NTAQ1: variants seen among roughly 807,000 people sequenced by gnomAD.
NTAQ1 encodes N-terminal glutamine amidase 1.
Under a neutral mutation model 28.2 loss-of-function variants are expected in NTAQ1, and 21 were observed. That is an observed-to-expected ratio of 0.74 (90% confidence interval 0.53 to 1.07). The LOEUF (loss-of-function observed/expected upper bound fraction) is 1.07. Among genes scored for constraint, NTAQ1 ranks in the 50% least tolerant of loss-of-function variants. The pLI is 0.00. For synonymous variants in NTAQ1, 105 were observed against 90.0 expected (o/e 1.17, Z -0.94); for missense variants, 264 against 256.6 (o/e 1.03, Z -0.20).
At position 123,465,801 on chromosome 8, in the gene NTAQ1, C is replaced by T. The variant is rs190837819; in HGVS notation, c.373-1278C>T. Reference sequence around the variant, plus strand: ...TTCACCATGTTGCCCAGGCTGGTCTCGGAACTCCAGGGCTCAAGCGATCCA... The same window carrying T: ...TTCACCATGTTGCCCAGGCTGGTCTTGGAACTCCAGGGCTCAAGCGATCCA... On this transcript the variant is annotated intron_variant, in intron 6 of 6. Coordinates refer to the NTAQ1 transcript ENST00000650311. Among the ~76,000 whole-genome samples, 31 of 151,888 alleles carry T rather than the reference C, an allele frequency of 2.0e-4. No homozygotes were observed. In the East Asian group the frequency reaches 4.3e-3, roughly 21 times the overall value.
At chr8:123,473,041 T>C (rs186225607), downstream of NTAQ1, among the ~76,000 whole-genome samples, 7 of 152,280 alleles carry the variant, frequency 4.6e-5, no homozygotes, top group African/African-American at 7.2e-5. Context: ...TGGGAAGGTG[T>C]TCAGTGGAAG....
chr8:123,432,584 G>A (rs1284045624), intron 3 of NTAQ1, among the ~76,000 whole-genome samples: 5 of 151,098 alleles, frequency 3.3e-5, no homozygotes, highest in South Asian at 2.1e-4. Context: ...ACAGTGAGCC[G>A]AGATCATACC....
At chr8:123,427,901 A>G (rs1814159721) in intron 1 of NTAQ1, 23 bp from the exon 2 acceptor site, 1 of 1,542,652 alleles carries the variant, frequency 6.5e-7, no homozygotes, top group Admixed American at 1.9e-5. Flanking sequence ...TCTAATCTTG[A>G]TTAAACAATT....
chr8:123,444,751 C>T (rs568052179), downstream of NTAQ1, among the ~76,000 whole-genome samples: 59 of 152,274 alleles, frequency 3.9e-4, no homozygotes, highest in African/African-American at 1.4e-3. Context: ...CCTCGTGATC[C>T]ACTTGCCTCG....
exon 7 of NTAQ1, among the ~76,000 whole-genome samples, chr8:123,468,137 C>A (rs565156460): frequency 6.6e-6 from 1 of 152,160 alleles, no homozygotes; most frequent in Non-Finnish European, 1.5e-5. Context: ...GGGATTCTTG[C>A]GTGGCCCCCA....
downstream of NTAQ1, among the ~76,000 whole-genome samples, chr8:123,449,567 C>A (rs115607337): frequency 1.7e-4 from 26 of 152,066 alleles, no homozygotes; most frequent in African/African-American, 6.3e-4. Context: ...GTGAGTCCTG[C>A]GCTCATGGAT....
chr8:123,461,145 C>T (rs960579418), intron 6 of NTAQ1, among the ~76,000 whole-genome samples: 1 of 152,152 alleles, frequency 6.6e-6, no homozygotes, highest in Non-Finnish European at 1.5e-5. Flanking sequence ...CTGGAGCAGC[C>T]TTCAGCCCTG....
intron 1 of NTAQ1, 110 bp downstream of exon 1, chr8:123,417,042 C>A: frequency 8.9e-7 from 1 of 1,125,292 alleles, no homozygotes; most frequent in Non-Finnish European, 1.2e-6. Context: ...CGGCCTCTAC[C>A]GGCGGGTTCT....
At chr8:123,431,230 G>A (rs945436740) in intron 3 of NTAQ1, among the ~76,000 whole-genome samples, 1 of 151,874 alleles carries the variant, frequency 6.6e-6, no homozygotes, top group Admixed American at 6.6e-5. Flanking sequence ...CCAGCTACTC[G>A]GGAGGCTGAG....
At chr8:123,425,996 C>T (rs760439066) in intron 1 of NTAQ1, among the ~76,000 whole-genome samples, 38 of 152,152 alleles carry the variant, frequency 2.5e-4, no homozygotes, top group Non-Finnish European at 8.8e-5. Context: ...TGCACTCCAG[C>T]CTGGGTGACA....
intron 1 of NTAQ1, among the ~76,000 whole-genome samples, chr8:123,421,236 A>G (rs1343671738): frequency 6.6e-6 from 1 of 152,130 alleles, no homozygotes; most frequent in Non-Finnish European, 1.5e-5. Flanking sequence ...GTGCACCACC[A>G]TGCCCAGCTA....
chr8:123,444,348 C>T (rs539772605), downstream of NTAQ1, among the ~76,000 whole-genome samples: 28 of 152,014 alleles, frequency 1.8e-4, no homozygotes, highest in African/African-American at 6.5e-4. Flanking sequence ...TACAGGCATG[C>T]GCCGCTACAC....
chr8:123,458,707 C>T (rs186074893), intron 6 of NTAQ1, among the ~76,000 whole-genome samples: 23 of 151,530 alleles, frequency 1.5e-4, no homozygotes, highest in Admixed American at 5.9e-4. Context: ...CTGCAAGCTC[C>T]GCCTCCTGGG....
At chr8:123,458,061 TAAAAA>T (rs57057942) in intron 6 of NTAQ1, among the ~76,000 whole-genome samples, 72 of 112,090 alleles carry the variant, frequency 6.4e-4, no homozygotes, top group African/African-American at 2.1e-3. Context: ...AGATTTAAAA[TAAAAA>T]AAAAAAACAA....
chr8:123,436,865 G>A (rs1196285929), intron 4 of NTAQ1, among the ~76,000 whole-genome samples: 2 of 152,098 alleles, frequency 1.3e-5, no homozygotes, highest in South Asian at 2.1e-4. Context: ...GCGGGTTGGG[G>A]ATTTTTCTTA....
intron 5 of NTAQ1, among the ~76,000 whole-genome samples, chr8:123,440,015 T>C (rs1464370927): frequency 6.6e-6 from 1 of 151,648 alleles, no homozygotes; most frequent in African/African-American, 2.4e-5. Flanking sequence ...ATTGGGTATG[T>C]TGGATTTAGT....
intron 6 of NTAQ1, among the ~76,000 whole-genome samples, chr8:123,456,339 G>T (rs1328189451): frequency 2.6e-5 from 4 of 152,164 alleles, no homozygotes; most frequent in Non-Finnish European, 5.9e-5. Context: ...AGGCTGGTGT[G>T]CACGATCTTG....
chr8:123,424,611 T>C (rs13248253), intron 1 of NTAQ1, among the ~76,000 whole-genome samples: 2 of 62,378 alleles, frequency 3.2e-5, no homozygotes, highest in Admixed American at 1.8e-4. Flanking sequence ...CAACCTCAGG[T>C]GATCCAAGGT....
intron 1 of NTAQ1, among the ~76,000 whole-genome samples, chr8:123,425,570 C>A (rs755194196): frequency 6.6e-6 from 1 of 151,626 alleles, no homozygotes; most frequent in Non-Finnish European, 1.5e-5. Context: ...GTCCAACTTC[C>A]GTATTTTAAG....
Sources: gnomAD v4.1 joint callset for allele counts (sites outside exome capture counted in the v4.1 genomes callset) on GRCh38, gnomAD v4.1.1 for gene constraint, MANE v1.5 for transcripts, NCBI Gene and HGNC (gene_info 2026-07-23, HGNC 2026-07-21) for gene names.